The following FOXRED2 variants were observed in gnomAD, a reference collection of about 807,000 sequenced individuals.
The protein encoded by FOXRED2 is FAD-dependent oxidoreductase domain-containing protein 2.
FOXRED2 carries 32 observed loss-of-function variants against 52.5 expected under a neutral mutation model. The ratio of observed to expected loss-of-function variants is 0.61; its 90% CI spans 0.46 to 0.82. The LOEUF (loss-of-function observed/expected upper bound fraction) is 0.82. FOXRED2 is among the 40% of genes least tolerant of loss of function. The probability of loss-of-function intolerance (pLI) is 0.00; values close to 1 mark genes in which losing one functional copy is unlikely to be tolerated. For synonymous variants in FOXRED2, 405 were observed against 398.1 expected, an observed-to-expected ratio of 1.02 and a Z score of -0.21; for missense variants, 848 against 937.5, an observed-to-expected ratio of 0.90 and a Z score of 1.25.
rs1440682537 is a variant in FOXRED2, at chr22:36,489,685, A to G, written c.*323T>C. The G allele has an allele frequency of 3.2e-5, 8 of 253,186 alleles. No individual in the cohort carries two copies. Among genetic ancestry groups the G allele is most frequent in the Non-Finnish European group, 6.0e-5 (8 of 132,486 alleles). The allele number at this position is 253,186 out of a possible 1,614,324, so 15.7% of individuals were successfully genotyped here. On this transcript the variant is annotated 3_prime_UTR_variant, in exon 9 of 9. Coordinates refer to ENST00000397224, the MANE Select transcript of FOXRED2 (RefSeq NM_001102371.2). ...CCATCTGAGGAGGGGCTTGGAAGGA[A>G]GAGGAGCACTTGAGACGGGGCAGAA... is the stretch of plus-strand genomic sequence containing the variant.
At chr22:36,491,036 C>G (rs1439577346) in intron 8 of FOXRED2, among the ~76,000 whole-genome samples, 1 of 152,098 alleles carries the variant, frequency 6.6e-6, no homozygotes, top group South Asian at 2.1e-4. Flanking sequence ...GTGACAAACA[C>G]CTGTAATCCC....
chr22:36,501,453 G>C (rs1934044802), intron 4 of FOXRED2, 46 bp from the exon 5 acceptor site: 1 of 1,584,544 alleles, frequency 6.3e-7, no homozygotes, highest in Admixed American at 1.7e-5. Flanking sequence ...CTATGTAAGA[G>C]GCACTTATTT....
In FOXRED2 at chr22:36,501,256, C is replaced by T. The variant is rs1231793692; in HGVS notation, c.1201G>A (p.Gly401Arg). The T allele has an allele frequency of 3.1e-6, 5 of 1,613,896 alleles. No individual in the cohort carries two copies. Among genetic ancestry groups the T allele is most frequent in the South Asian group, 2.2e-5 (2 of 91,072 alleles). Residue 401 changes from glycine (G) to arginine (R), a missense_variant, in exon 5 of 9, where the codon GGA becomes AGA. Transcript: ENST00000397224. ...CTGGGCTCACCTGTGTATCGGAATC[C>T]GTGGATGAAGCCCCCAGCAGATTTC... ...YRKSAGGFIHGFRYTVRAVHR... is the reference protein window; with the variant it reads ...YRKSAGGFIHRFRYTVRAVHR...
chr22:36,492,749 C>G (rs748291391), intron 8 of FOXRED2, among the ~76,000 whole-genome samples: 16 of 152,156 alleles, frequency 1.1e-4, no homozygotes, highest in Non-Finnish European at 2.2e-4. Context: ...AACTCCTGAC[C>G]TCAGGTGATC....
intron 7 of FOXRED2, 120 bp from the exon 8 acceptor site, chr22:36,493,923 T>G: frequency 1.2e-6 from 1 of 818,660 alleles, no homozygotes; most frequent in Non-Finnish European, 1.9e-6. Flanking sequence ...GTGCTCGGCT[T>G]TCCCGACAGC....
rs1250535383 is a variant in FOXRED2, at chr22:36,504,257, T to C, written c.890A>G (p.His297Arg). Reference protein sequence around the residue: ...AILKDSKGKFHVTPKFFLEEA... With the variant: ...AILKDSKGKFRVTPKFFLEEA... Reference sequence around the variant, plus strand: ...TTCCAGGAAGAATTTCGGGGTGACATGGAACTTGCCTTTGCTGTCCTTCAG... The same window carrying C: ...TTCCAGGAAGAATTTCGGGGTGACACGGAACTTGCCTTTGCTGTCCTTCAG... The change falls in exon 4 of 9, where the codon CAT (histidine) becomes CGT (arginine). Residue 297 changes from histidine (H) to arginine (R), a missense_variant. Coordinates refer to ENST00000397224, the MANE Select transcript of FOXRED2 (RefSeq NM_001102371.2). The C allele has an allele frequency of 3.7e-6, 6 of 1,614,038 alleles. No individual in the cohort carries two copies. Among genetic ancestry groups the C allele is most frequent in the African/African-American group, 2.7e-5 (2 of 74,936 alleles).
chr22:36,504,029 C>T (rs1054036660), intron 4 of FOXRED2, 69 bp downstream of exon 4: 3 of 1,526,568 alleles, frequency 2.0e-6, no homozygotes, highest in Non-Finnish European at 2.7e-6. Flanking sequence ...TGAACAGCCA[C>T]CCTGTTCCCC....
intron 2 of FOXRED2, among the ~76,000 whole-genome samples, chr22:36,505,077 TGCACATA>T (rs1279536039): frequency 6.6e-6 from 1 of 152,160 alleles, no homozygotes; most frequent in Admixed American, 6.5e-5. Context: ...CACCTAACTT[TGCACATA>T]GCAGTCAGAC....
chr22:36,497,913 T>C, intron 6 of FOXRED2, 78 bp downstream of exon 6: 1 of 1,486,510 alleles, frequency 6.7e-7, no homozygotes, highest in South Asian at 1.3e-5. Context: ...ACCTCACACC[T>C]GGAATAGGAA....
At chr22:36,493,487 T>G in intron 8 of FOXRED2, 146 bp downstream of exon 8, 1 of 606,102 alleles carries the variant, frequency 1.6e-6, no homozygotes. Flanking sequence ...AGGTGAGTTG[T>G]AATTTAACCC....
chr22:36,502,762 G>A (rs1051654292), intron 4 of FOXRED2, among the ~76,000 whole-genome samples: 2 of 151,986 alleles, frequency 1.3e-5, no homozygotes, highest in African/African-American at 2.4e-5. Context: ...GCGCGATCTC[G>A]GCTCACTGCA....
intron 4 of FOXRED2, among the ~76,000 whole-genome samples, chr22:36,501,931 C>T (rs1337247230): frequency 1.3e-5 from 2 of 151,758 alleles, no homozygotes; most frequent in African/African-American, 2.4e-5. Flanking sequence ...TTTGGTAGGC[C>T]GAGGCGGGCG....
chr22:36,505,675 G>A (rs993894786), intron 2 of FOXRED2, among the ~76,000 whole-genome samples: 4 of 152,188 alleles, frequency 2.6e-5, no homozygotes, highest in Non-Finnish European at 5.9e-5. Flanking sequence ...GGAGGCTGAG[G>A]CAGGAGAATC....
intron 5 of FOXRED2, among the ~76,000 whole-genome samples, chr22:36,498,694 G>A (rs932507350): frequency 6.6e-6 from 1 of 152,098 alleles, no homozygotes; most frequent in East Asian, 1.9e-4. Context: ...CTGTCTCTAA[G>A]TTCTTTTTTT....
chr22:36,504,631 A>G lies in FOXRED2; in HGVS notation c.663T>C (p.Arg221=), dbSNP rs1007082166. Residue 221 remains arginine (R), a synonymous_variant, in exon 3 of 9, where the codon CGT becomes CGC. Transcript: ENST00000397224. ...FVGQNVLILG[R]GNSAFETAEN... ...CTGCTGTCTCAAAGGCCGAGTTCCC[A>G]CGACCCAGGATCAGCACATTCTGGC... is the stretch of plus-strand genomic sequence containing the variant. The G allele has an allele frequency of 1.2e-6, 2 of 1,614,072 alleles. No homozygotes were observed. Among genetic ancestry groups the G allele is most frequent in the African/African-American group, 1.3e-5 (1 of 74,924 alleles).
chr22:36,489,950 G>A lies in FOXRED2; in HGVS notation c.*58C>T. ...GTGAGGTTGCGGGGAAAGAGGGACT[G>A]ACCATGGGCCTAGGTGGGGAGGCCT... is the stretch of plus-strand genomic sequence containing the variant. On this transcript the variant is annotated 3_prime_UTR_variant, in exon 9 of 9. Transcript: ENST00000397224. 3 of 1,490,472 alleles carry A rather than the reference G, an allele frequency of 2.0e-6. No individual in the cohort carries two copies. The highest frequency in any genetic ancestry group is 2.7e-6 in the Non-Finnish European group (3 of 1,112,742). 92.3% of individuals were successfully genotyped at this position (1,490,472 alleles called of 1,614,324 possible).
In FOXRED2 at chr22:36,501,276, G is replaced by C. The variant is rs757633193; in HGVS notation, c.1181C>G (p.Ser394Cys). 9.9e-6 allele frequency: 16 copies of C among 1,614,016 alleles called. No individual in the cohort carries two copies. The highest frequency in any genetic ancestry group is 1.4e-5 in the Non-Finnish European group (16 of 1,180,040). ...GAATCCGTGGATGAAGCCCCCAGCA[G>C]ATTTCCGGTAGTCCACCGAGTGGCT... is the stretch of plus-strand genomic sequence containing the variant. ...TASHSVDYRK[S>C]AGGFIHGFRY... The change falls in exon 5 of 9, where the codon TCT becomes TGT. Residue 394 changes from serine to cysteine, a missense_variant. Ser to Cys is a moderately radical substitution (Grantham distance 112). Coordinates refer to ENST00000397224, the MANE Select transcript of FOXRED2 (RefSeq NM_001102371.2).
intron 4 of FOXRED2, among the ~76,000 whole-genome samples, chr22:36,502,935 G>A (rs958218742): frequency 1.3e-5 from 2 of 151,230 alleles, no homozygotes; most frequent in African/African-American, 2.4e-5. Flanking sequence ...CTTGTGATCC[G>A]CCCACCTCAG....
intron 2 of FOXRED2, among the ~76,000 whole-genome samples, chr22:36,504,980 G>A (rs1934155955): frequency 6.6e-6 from 1 of 152,160 alleles, no homozygotes. Flanking sequence ...CTCTCCCTGA[G>A]CTCACAGTAT....
Sources: allele counts gnomAD v4.1 joint callset (sites outside exome capture counted in the v4.1 genomes callset), GRCh38; gene constraint gnomAD v4.1.1; transcripts MANE v1.5; gene names NCBI Gene and HGNC (gene_info 2026-07-23, HGNC 2026-07-21).